Variants in ANKRD28 observed in about 807,000 individuals in gnomAD.
ANKRD28 encodes ankyrin repeat domain 28.
Under a neutral mutation model 126.5 loss-of-function variants are expected in ANKRD28, and 44 were observed. That is an observed-to-expected ratio of 0.35 (90% CI 0.27 to 0.45). The LOEUF (loss-of-function observed/expected upper bound fraction) is 0.45. Among genes scored for constraint, ANKRD28 ranks in the 20% least tolerant of loss-of-function variants. The probability of loss-of-function intolerance (pLI) is 1.00; values close to 1 mark genes in which losing one functional copy is unlikely to be tolerated. For synonymous variants in ANKRD28, 442 were observed against 468.5 expected, an observed-to-expected ratio of 0.94 and a Z score of 0.73; for missense variants, 1,110 against 1,316.6, an observed-to-expected ratio of 0.84 and a Z score of 2.43.
At chr3:15,685,895 T>C (rs2068063526) in intron 20 of ANKRD28, 107 bp downstream of exon 20, 9 of 832,858 alleles carry the variant, frequency 1.1e-5, no homozygotes, top group Non-Finnish European at 1.7e-5. Flanking sequence ...TGGTAAAGAC[T>C]ATTTGACGAA....
Position 15,725,660 on chromosome 3 carries a change from GTTATT to G in ANKRD28, c.641-1141_641-1137del, listed in dbSNP as rs549657940. 4.6e-5 allele frequency among the ~76,000 whole-genome samples: 7 copies of G among 152,222 alleles called. No homozygotes were observed. The South Asian group carries it at 1.4e-3, about 32-fold the overall frequency. ...TGCCAATATTTCAAACTTTTTCAAT[GTTATT>G]TTATCTGTTTTGGTGATCTGTGATC... On this transcript the variant is annotated intron_variant, in intron 6 of 27. Coordinates refer to ENST00000683139, the MANE Select transcript of ANKRD28 (RefSeq NM_001349278.2).
chr3:15,779,761 C>T (rs933944418), intron 2 of ANKRD28, among the ~76,000 whole-genome samples: 4 of 152,168 alleles, frequency 2.6e-5, no homozygotes, highest in Non-Finnish European at 5.9e-5. Flanking sequence ...GTTATTAATT[C>T]ATGTTGTAAT....
At chr3:15,803,395 G>A (rs1050679166) in intron 1 of ANKRD28, among the ~76,000 whole-genome samples, 1 of 152,032 alleles carries the variant, frequency 6.6e-6, no homozygotes, top group Non-Finnish European at 1.5e-5. Context: ...AACGTGGGCG[G>A]ATCATGAGGT....
rs1017426319 is a variant in ANKRD28 at position 15,670,014 on chromosome 3, C to G, written c.*256G>C. 4.8e-6 allele frequency: 2 copies of G among 420,204 alleles called. No individual in the cohort carries two copies. Among genetic ancestry groups the G allele is most frequent in the Admixed American group, 7.7e-5 (2 of 26,142 alleles). The allele number at this position is 420,204 out of a possible 1,614,324, so 26.0% of individuals were successfully genotyped here. On this transcript the variant is annotated 3_prime_UTR_variant, in exon 28 of 28. Transcript: ENST00000683139. ...CCCAATTGTTCCTGGCACTGCAAAA[C>G]CAAATTAAACAATTCCACAAAGAAT...
At position 15,707,991 on chromosome 3, in the gene ANKRD28, C is replaced by A; in HGVS notation, c.1480G>T (p.Val494Leu). 6.2e-7 allele frequency: 1 copy of A among 1,612,106 alleles called. No individual in the cohort carries two copies. Among genetic ancestry groups the A allele is most frequent in the Non-Finnish European group, 8.5e-7 (1 of 1,179,104 alleles). Residue 494 changes from valine (V) to leucine (L), a missense_variant, in exon 14 of 28, where the codon GTG (valine) becomes TTG (leucine). Transcript: ENST00000683139. The part of the protein sequence containing the change: ...LFALVGSGAS[V>L]NDLDERGCTP... ...CAGCCTCTTTCATCAAGGTCATTCA[C>A]ACTTGCTCCTGATCCCACAAGAGCA...
chr3:15,678,640 GAAAT>G (rs1191694066), intron 23 of ANKRD28, among the ~76,000 whole-genome samples: 1 of 152,086 alleles, frequency 6.6e-6, no homozygotes, highest in Non-Finnish European at 1.5e-5. Context: ...AATTTTGAAA[GAAAT>G]AAATCCTAAT....
intron 1 of ANKRD28, among the ~76,000 whole-genome samples, chr3:15,844,066 A>G (rs536516002): frequency 1.3e-5 from 2 of 152,300 alleles, no homozygotes; most frequent in African/African-American, 4.8e-5. Context: ...AAGCTCCATA[A>G]TGGTTGATAT....
intron 6 of ANKRD28, among the ~76,000 whole-genome samples, chr3:15,726,115 C>T (rs977687632): frequency 5.9e-5 from 9 of 152,170 alleles, no homozygotes; most frequent in African/African-American, 2.2e-4. Flanking sequence ...CCTCTTCAGA[C>T]CTTCCTCTTC....
At position 15,797,457 on chromosome 3, in the gene ANKRD28, C is replaced by T; in HGVS notation, c.-936G>A. 1.0e-6 allele frequency: 1 copy of T among 984,678 alleles called. No homozygotes were observed. Among genetic ancestry groups the T allele is most frequent in the Non-Finnish European group, 1.2e-6 (1 of 829,888 alleles). 61.0% of individuals were successfully genotyped at this position (984,678 alleles called of 1,614,324 possible). ...CCAGCAAAAGGGCACAGGCACCAGG[C>T]AGAAATGGTGTTAGTGGAGAATCCT... On this transcript the variant is annotated 5_prime_UTR_variant, in exon 1 of 28. Coordinates refer to ENST00000683139, the MANE Select transcript of ANKRD28 (RefSeq NM_001349278.2).
At chr3:15,770,704 CTT>C (rs2058956755) in intron 2 of ANKRD28, among the ~76,000 whole-genome samples, 1 of 152,162 alleles carries the variant, frequency 6.6e-6, no homozygotes, top group Non-Finnish European at 1.5e-5. Context: ...GATATTTACT[CTT>C]AGAACTTCAG....
Position 15,817,543 on chromosome 3 carries a change from AG to A in ANKRD28, c.28-22238del, listed in dbSNP as rs531560728. 2.1e-3 allele frequency among the ~76,000 whole-genome samples: 322 copies of A among 152,326 alleles called. 2 individuals carry two copies. Among genetic ancestry groups the A allele is most frequent in the African/African-American group, 7.5e-3 (313 of 41,570 alleles). On this transcript the variant is annotated intron_variant, in intron 1 of 27. Coordinates refer to the ANKRD28 transcript ENST00000399451. The surrounding 1 kb of genome is among the most constrained non-coding windows in gnomAD (Gnocchi z 4.5). ...GACAGAGGGAGACAGACAGACATAC[AG>A]TTCCTTAGGAATCACAAGATATACC... is the stretch of plus-strand genomic sequence containing the variant.
intron 1 of ANKRD28, among the ~76,000 whole-genome samples, chr3:15,850,200 AAAAAATAT>A (rs1418980959): frequency 4.2e-5 from 2 of 47,692 alleles, no homozygotes; most frequent in African/African-American, 1.4e-4. Flanking sequence ...TAAAAAAAAA[AAAAAATAT>A]ATATATATAT....
chr3:15,852,905 T>C (rs1397805241), intron 1 of ANKRD28, among the ~76,000 whole-genome samples: 1 of 149,376 alleles, frequency 6.7e-6, no homozygotes, highest in East Asian at 2.0e-4. Flanking sequence ...TCACAAAAGC[T>C]AATAGGCATA....
At chr3:15,786,939 A>G (rs2059809391) in intron 2 of ANKRD28, among the ~76,000 whole-genome samples, 3 of 152,112 alleles carry the variant, frequency 2.0e-5, no homozygotes. Context: ...AATAACAGAT[A>G]ATAAATACAT....
At chr3:15,851,558 A>C (rs2061650981) in intron 1 of ANKRD28, among the ~76,000 whole-genome samples, 1 of 43,888 alleles carries the variant, frequency 2.3e-5, no homozygotes, top group African/African-American at 4.1e-5. Context: ...TAAATAAATA[A>C]ATAAATAAAT....
In ANKRD28 at chr3:15,724,471, T is replaced by C. The variant is rs980176847; in HGVS notation, c.694A>G (p.Lys232Glu). ...AGAGGTGTATAAGACTTTTTATCCTTGCATGTCACTTCAGCTCCATGCGAC... is the reference window on the plus strand; with the variant it reads ...AGAGGTGTATAAGACTTTTTATCCTCGCATGTCACTTCAGCTCCATGCGAC... ...LVSHGAEVTCKDKKSYTPLHA... is the reference protein window; with the variant it reads ...LVSHGAEVTCEDKKSYTPLHA... Residue 232 changes from lysine to glutamate, a missense_variant, in exon 7 of 28, where the codon AAG becomes GAG. Transcript: ENST00000683139. 1 of 1,595,606 alleles carries C rather than the reference T, an allele frequency of 6.3e-7. No homozygotes were observed. Among genetic ancestry groups the C allele is most frequent in the African/African-American group, 1.3e-5 (1 of 74,808 alleles).
chr3:15,751,694 G>T, intron 4 of ANKRD28, 56 bp downstream of exon 4: 1 of 1,105,760 alleles, frequency 9.0e-7, no homozygotes, highest in Non-Finnish European at 1.3e-6. Context: ...TGGATTCAGG[G>T]GTACGCCTAT....
intron 1 of ANKRD28, among the ~76,000 whole-genome samples, chr3:15,827,636 C>T (rs951023749): frequency 2.0e-5 from 3 of 152,114 alleles, no homozygotes; most frequent in African/African-American, 7.2e-5. Context: ...CTGTAAAACT[C>T]TTAGAAGAAA....
chr3:15,736,755 T>G (rs2075042214), intron 5 of ANKRD28, among the ~76,000 whole-genome samples: 1 of 152,266 alleles, frequency 6.6e-6, no homozygotes, highest in African/African-American at 2.4e-5. Context: ...TATCTCTGTC[T>G]TCACATATTT....
Sources: gnomAD v4.1 joint callset for allele counts (sites outside exome capture counted in the v4.1 genomes callset) on GRCh38, gnomAD v4.1.1 for gene constraint, Gnocchi (gnomAD v3.1) non-coding constraint, MANE v1.5 for transcripts, NCBI Gene and HGNC (gene_info 2026-07-23, HGNC 2026-07-21) for gene names.